The following CLOCK variants were observed in gnomAD, a reference collection of about 807,000 sequenced individuals.
The protein encoded by CLOCK is clock circadian regulator.
In CLOCK, 43 loss-of-function variants were observed where a neutral mutation model predicts 118.4. The observed-to-expected ratio is 0.36, with a 90% CI of 0.28 to 0.47. CLOCK has a LOEUF of 0.47. CLOCK is among the 20% of genes least tolerant of loss of function. The pLI is 1.00. For synonymous variants in CLOCK, 326 were observed against 339.2 expected (o/e 0.96, Z 0.43); for missense variants, 846 against 999.9 (o/e 0.85, Z 2.08).
intron 22 of CLOCK, among the ~76,000 whole-genome samples, chr4:55,437,163 C>A (rs1302709548): frequency 2.0e-5 from 3 of 152,134 alleles, no homozygotes; most frequent in African/African-American, 7.2e-5. Flanking sequence ...AGGCAACTAG[C>A]CTGTTTTAGT....
At chr4:55,468,523 A>C (rs935327554) in intron 8 of CLOCK, among the ~76,000 whole-genome samples, 10 of 152,240 alleles carry the variant, frequency 6.6e-5, no homozygotes, top group Non-Finnish European at 2.9e-5. Flanking sequence ...GGTCATATAG[A>C]TAATGAATTA....
At chr4:55,437,645 G>T (rs890820962) in intron 22 of CLOCK, among the ~76,000 whole-genome samples, 1 of 152,106 alleles carries the variant, frequency 6.6e-6, no homozygotes, top group Non-Finnish European at 1.5e-5. Flanking sequence ...AATCCATGAG[G>T]TATCAATTAT....
chr4:55,509,075 A>C (rs561483982), intron 2 of CLOCK, among the ~76,000 whole-genome samples: 1 of 152,214 alleles, frequency 6.6e-6, no homozygotes, highest in South Asian at 2.1e-4. Flanking sequence ...GTAACACAAT[A>C]TAAGTATTTG....
chr4:55,457,377 T>A (rs960212318), intron 11 of CLOCK, among the ~76,000 whole-genome samples: 8 of 152,330 alleles, frequency 5.3e-5, no homozygotes, highest in African/African-American at 1.9e-4. Context: ...CTAAGTATTT[T>A]AAAAATCAAT....
At chr4:55,438,605 A>T (rs1259562591) in intron 21 of CLOCK, 68 bp from the exon 22 acceptor site, 1 of 1,608,360 alleles carries the variant, frequency 6.2e-7, no homozygotes, top group Non-Finnish European at 8.5e-7. Context: ...AACGCAGTGG[A>T]GTAAATACTT....
At chr4:55,526,451 G>C (rs980727701) in intron 1 of CLOCK, among the ~76,000 whole-genome samples, 3 of 152,120 alleles carry the variant, frequency 2.0e-5, no homozygotes, top group African/African-American at 4.8e-5. Context: ...TGTAGTAATA[G>C]TACTACTTAC....
intron 1 of CLOCK, among the ~76,000 whole-genome samples, chr4:55,533,084 T>G (rs1437205676): frequency 6.6e-6 from 1 of 152,160 alleles, no homozygotes; most frequent in Non-Finnish European, 1.5e-5. Flanking sequence ...CCCTGTCAAA[T>G]TCTCAATGAC....
intron 18 of CLOCK, among the ~76,000 whole-genome samples, chr4:55,447,731 T>A (rs1420303333): frequency 1.3e-5 from 2 of 152,186 alleles, no homozygotes; most frequent in African/African-American, 2.4e-5. Flanking sequence ...CTATCATATA[T>A]GTATGACTTA....
rs59428296 is a variant in CLOCK, at chr4:55,503,982, A to AG, written c.-136+5929_-136+5930insC. Among the ~76,000 whole-genome samples, 347 of 137,148 alleles carry AG rather than the reference A, an allele frequency of 2.5e-3. 8 individuals carry two copies. Among genetic ancestry groups the AG allele is most frequent in the African/African-American group, 8.0e-3 (283 of 35,302 alleles). 90.0% of individuals were successfully genotyped at this position (137,148 alleles called of 152,430 possible). On this transcript the variant is annotated intron_variant, in intron 2 of 22. Transcript: ENST00000513440. ...TTTCTATTTGGCAAAAAGAGGTAAAAAAAAAAAAAAAAAAAAAAAAAGCCG... is the reference window on the plus strand; with the variant it reads ...TTTCTATTTGGCAAAAAGAGGTAAAAGAAAAAAAAAAAAAAAAAAAAAGCCG...
intron 2 of CLOCK, among the ~76,000 whole-genome samples, chr4:55,500,382 C>T (rs1728355806): frequency 6.6e-6 from 1 of 152,134 alleles, no homozygotes; most frequent in Non-Finnish European, 1.5e-5. Context: ...CTCACTCTCT[C>T]ACCAAGGCTG....
intron 3 of CLOCK, among the ~76,000 whole-genome samples, chr4:55,489,143 G>A (rs962848313): frequency 2.0e-5 from 3 of 152,154 alleles, no homozygotes; most frequent in Admixed American, 6.5e-5. Flanking sequence ...CTTCTAGAAG[G>A]CGGTTCTCAT....
chr4:55,513,752 G>A (rs1250908288), intron 1 of CLOCK, among the ~76,000 whole-genome samples: 1 of 152,016 alleles, frequency 6.6e-6, no homozygotes, highest in Non-Finnish European at 1.5e-5. Context: ...CTGACACCTT[G>A]TTAATATAGT....
intron 4 of CLOCK, 99 bp downstream of exon 4, chr4:55,482,640 G>C (rs1727010653): frequency 1.4e-6 from 1 of 731,920 alleles, no homozygotes. Context: ...ATTATGTTTA[G>C]GCATAAAATT....
intron 1 of CLOCK, among the ~76,000 whole-genome samples, chr4:55,543,176 T>A (rs1388008849): frequency 6.6e-6 from 1 of 152,174 alleles, no homozygotes; most frequent in African/African-American, 2.4e-5. Context: ...CCTCGGCCGC[T>A]CGAAGTTTAC....
At chr4:55,452,685 A>T (rs1041375402) in intron 15 of CLOCK, 4 of 194,496 alleles carry the variant, frequency 2.1e-5, no homozygotes, top group African/African-American at 7.2e-5. Flanking sequence ...TTTAGGGAAG[A>T]TTTTTTTTTC....
intron 11 of CLOCK, 130 bp downstream of exon 11, chr4:55,458,762 T>C: frequency 1.5e-6 from 1 of 675,018 alleles, no homozygotes; most frequent in South Asian, 1.7e-5. Context: ...TGATAACTCA[T>C]CGTTTCAAAA....
At chr4:55,504,323 C>T (rs1304796386) in intron 2 of CLOCK, among the ~76,000 whole-genome samples, 2 of 145,652 alleles carry the variant, frequency 1.4e-5, no homozygotes, top group Non-Finnish European at 3.0e-5. Flanking sequence ...CTTGAGGCTT[C>T]ACATCTAAGC....
intron 21 of CLOCK, among the ~76,000 whole-genome samples, chr4:55,438,977 CA>C (rs1176346322): frequency 6.6e-6 from 1 of 152,172 alleles, no homozygotes; most frequent in Non-Finnish European, 1.5e-5. Flanking sequence ...ACCAAAAGTA[CA>C]GGCAACAAAA....
intron 8 of CLOCK, among the ~76,000 whole-genome samples, chr4:55,467,447 T>C (rs978309344): frequency 6.6e-6 from 1 of 152,170 alleles, no homozygotes; most frequent in Non-Finnish European, 1.5e-5. Context: ...CAGTAGTACA[T>C]ACAAGGTAAC....
Sources: allele counts gnomAD v4.1 joint callset (sites outside exome capture counted in the v4.1 genomes callset), GRCh38; gene constraint gnomAD v4.1.1; transcripts MANE v1.5; gene names NCBI Gene and HGNC (gene_info 2026-07-23, HGNC 2026-07-21).